SUGCT: variants seen among roughly 807,000 people sequenced by gnomAD.
SUGCT encodes the protein succinyl-CoA:glutarate-CoA transferase.
SUGCT carries 41 observed loss-of-function variants against 55.0 expected under a neutral mutation model. The observed-to-expected ratio is 0.74, with a 90% CI of 0.58 to 0.97. The LOEUF is 0.97. SUGCT is among the 50% of genes least tolerant of loss of function. SUGCT has a pLI of 0.00. For missense variants in SUGCT, 568 were observed against 547.8 expected, an observed-to-expected ratio of 1.04 and a Z score of -0.37; for synonymous variants, 187 against 200.4, an observed-to-expected ratio of 0.93 and a Z score of 0.56.
At chr7:40,249,312 G>GCTATCTATATATATATATATATAT (rs1421104147) in intron 7 of SUGCT, among the ~76,000 whole-genome samples, 1 of 22,206 alleles carries the variant, frequency 4.5e-5, no homozygotes, top group Admixed American at 5.8e-4. Flanking sequence ...ACACCAAAAA[G>GCTATCTATATATATATATATATAT]CTATATATAT....
chr7:40,616,523 G>A (rs1244448883), intron 12 of SUGCT, among the ~76,000 whole-genome samples: 1 of 152,216 alleles, frequency 6.6e-6, no homozygotes, highest in Non-Finnish European at 1.5e-5. Context: ...GCGAAATAAA[G>A]CTAAAGTGGT....
chr7:40,735,840 T>C (rs1238644105), intron 12 of SUGCT, among the ~76,000 whole-genome samples: 1 of 152,168 alleles, frequency 6.6e-6, no homozygotes, highest in African/African-American at 2.4e-5. Context: ...AGATGAGCTA[T>C]CTACAAATCT....
chr7:40,860,855 CT>C (rs1794470736), downstream of SUGCT: 1 of 154,758 alleles, frequency 6.5e-6, no homozygotes, highest in Non-Finnish European at 1.4e-5. Flanking sequence ...CCATACAGGC[CT>C]GAAAAAGAGC....
At chr7:40,996,997 G>T in the SUGCT span, among the ~76,000 whole-genome samples, 3 of 152,134 alleles carry the variant, frequency 2.0e-5, no homozygotes, top group African/African-American at 7.2e-5. Flanking sequence ...GATCTTTCTG[G>T]CTCACTTTCT....
At chr7:40,262,473 A>ACC (rs2150965148) in intron 7 of SUGCT, among the ~76,000 whole-genome samples, 1 of 132,334 alleles carries the variant, frequency 7.6e-6, no homozygotes, top group South Asian at 2.5e-4. Flanking sequence ...ACATGGTGAA[A>ACC]CCCCCGTCTC....
chr7:40,157,080 G>C (rs1183998514), intron 1 of SUGCT, among the ~76,000 whole-genome samples: 1 of 151,280 alleles, frequency 6.6e-6, no homozygotes, highest in East Asian at 1.9e-4. Context: ...GCATAGAAAA[G>C]TAGAACCTGG....
intron 13 of SUGCT, among the ~76,000 whole-genome samples, chr7:40,815,803 G>A (rs906540191): frequency 6.6e-6 from 1 of 152,126 alleles, no homozygotes; most frequent in Non-Finnish European, 1.5e-5. Context: ...TGCTGATACA[G>A]GTGAGTGGGT....
chr7:40,405,808 TAAAAAAAAAAAA>T (rs60966218), intron 9 of SUGCT, among the ~76,000 whole-genome samples: 5 of 90,954 alleles, frequency 5.5e-5, no homozygotes, highest in Non-Finnish European at 9.0e-5. Context: ...AGACTCTGTC[TAAAAAAAAAAAA>T]AAAAAAAAAA....
At chr7:40,481,625 A>C (rs1273488637) in intron 11 of SUGCT, among the ~76,000 whole-genome samples, 1 of 152,088 alleles carries the variant, frequency 6.6e-6, no homozygotes, top group Non-Finnish European at 1.5e-5. Context: ...CCAATAGAAA[A>C]TCATCAAAAA....
At chr7:40,617,109 A>G (rs1275903759) in intron 12 of SUGCT, among the ~76,000 whole-genome samples, 2 of 151,714 alleles carry the variant, frequency 1.3e-5, no homozygotes, top group South Asian at 2.1e-4. Flanking sequence ...GAAAAAAAAA[A>G]TCCAAAGACA....
the SUGCT span, among the ~76,000 whole-genome samples, chr7:41,005,024 C>A: frequency 6.6e-6 from 1 of 152,126 alleles, no homozygotes; most frequent in Non-Finnish European, 1.5e-5. Context: ...CAAAAAATGG[C>A]AAGCAACTGC....
chr7:40,838,944 G>GTT (rs74338520), intron 13 of SUGCT, among the ~76,000 whole-genome samples: 9 of 129,934 alleles, frequency 6.9e-5, no homozygotes, highest in Non-Finnish European at 1.2e-4. Flanking sequence ...TTTGGTGAGA[G>GTT]TTTTTTTTTT....
intron 12 of SUGCT, among the ~76,000 whole-genome samples, chr7:40,525,270 G>A (rs1021556411): frequency 6.6e-6 from 1 of 152,174 alleles, no homozygotes; most frequent in Non-Finnish European, 1.5e-5. Context: ...GAACATTCGT[G>A]ACATGTTTTT....
At chr7:40,483,626 T>C (rs1322574365) in intron 11 of SUGCT, among the ~76,000 whole-genome samples, 3 of 151,982 alleles carry the variant, frequency 2.0e-5, no homozygotes, top group Non-Finnish European at 4.4e-5. Flanking sequence ...TTGTAATTTA[T>C]GTAACTGATA....
At chr7:40,153,687 G>A (rs751285091) in intron 1 of SUGCT, 10 of 508,334 alleles carry the variant, frequency 2.0e-5, no homozygotes, top group Non-Finnish European at 3.6e-5. Context: ...ATGTTTTCAC[G>A]TTATATTCTG....
At chr7:40,450,003 A>C (rs1323630627) in intron 10 of SUGCT, among the ~76,000 whole-genome samples, 3 of 152,200 alleles carry the variant, frequency 2.0e-5, no homozygotes, top group African/African-American at 7.2e-5. Flanking sequence ...ATCTTGGATC[A>C]CTGCAACCTC....
At chr7:40,696,554 C>T (rs1489514198) in intron 12 of SUGCT, among the ~76,000 whole-genome samples, 1 of 152,166 alleles carries the variant, frequency 6.6e-6, no homozygotes. Context: ...TCTTTGTTTT[C>T]CTGCCCATCC....
chr7:40,350,066 T>C (rs1797533823), intron 9 of SUGCT, among the ~76,000 whole-genome samples: 1 of 152,150 alleles, frequency 6.6e-6, no homozygotes, highest in South Asian at 2.1e-4. Context: ...TTTATTTTGG[T>C]TCATTTAGAA....
At chr7:40,880,020 G>C in the SUGCT span, among the ~76,000 whole-genome samples, 2 of 152,202 alleles carry the variant, frequency 1.3e-5, no homozygotes, top group Non-Finnish European at 2.9e-5. Flanking sequence ...GCCAGCCAAG[G>C]AGCAATAGGC....
Sources: allele counts gnomAD v4.1 joint callset (sites outside exome capture counted in the v4.1 genomes callset), GRCh38; gene constraint gnomAD v4.1.1; transcripts MANE v1.5; gene names NCBI Gene and HGNC (gene_info 2026-07-23, HGNC 2026-07-21).